The following ESRRB variants were observed in gnomAD, a reference collection of about 807,000 sequenced individuals.
The protein encoded by ESRRB is estrogen related receptor beta, also known as steroid hormone receptor ERR2.
In ESRRB, 16 loss-of-function variants were observed where a neutral mutation model predicts 46.0. That is an observed-to-expected ratio of 0.35 (90% CI 0.24 to 0.53). ESRRB has a LOEUF of 0.53. Among genes scored for constraint, ESRRB ranks in the 20% least tolerant of loss-of-function variants. ESRRB has a pLI of 0.93. For missense variants in ESRRB, 488 were observed against 607.4 expected (o/e 0.80, Z 2.07); for synonymous variants, 246 against 259.6 (o/e 0.95, Z 0.50).
At chr14:76,387,306 C>A (rs1885272326) in intron 1 of ESRRB, among the ~76,000 whole-genome samples, 1 of 152,214 alleles carries the variant, frequency 6.6e-6, no homozygotes, top group South Asian at 2.1e-4. Context: ...AAGCCTGATG[C>A]CCTCACAGCC....
chr14:76,317,829 T>G (rs1883820401), intron 1 of ESRRB, among the ~76,000 whole-genome samples: 1 of 152,202 alleles, frequency 6.6e-6, no homozygotes, highest in African/African-American at 2.4e-5. Context: ...TCTCCAGCTC[T>G]ATAAGTTTAC....
chr14:76,322,418 C>T (rs1009653323), intron 1 of ESRRB, among the ~76,000 whole-genome samples: 5 of 152,190 alleles, frequency 3.3e-5, no homozygotes, highest in East Asian at 1.9e-4. Context: ...GAGCTCTTTC[C>T]GAAAGCACGT....
intron 1 of ESRRB, among the ~76,000 whole-genome samples, chr14:76,311,325 C>T (rs1020943729): frequency 4.6e-5 from 7 of 152,158 alleles, no homozygotes; most frequent in South Asian, 2.1e-4. Context: ...CTGGCAGCTC[C>T]GGTGTAGGGC....
intron 1 of ESRRB, among the ~76,000 whole-genome samples, chr14:76,421,541 CT>C (rs1886954563): frequency 6.6e-6 from 1 of 152,230 alleles, no homozygotes; most frequent in Non-Finnish European, 1.5e-5. Flanking sequence ...GCTTGCACAT[CT>C]GTTTACTCCA....
At chr14:76,378,300 T>A (rs975904364) in intron 1 of ESRRB, among the ~76,000 whole-genome samples, 3 of 152,126 alleles carry the variant, frequency 2.0e-5, no homozygotes, top group Non-Finnish European at 4.4e-5. Flanking sequence ...GATGGAGGCT[T>A]TAACAGCTGG....
At chr14:76,477,437 A>AT (rs1302422333) in intron 3 of ESRRB, among the ~76,000 whole-genome samples, 1 of 152,196 alleles carries the variant, frequency 6.6e-6, no homozygotes, top group East Asian at 1.9e-4. Flanking sequence ...CTTACCAAGC[A>AT]TTTTCTCATC....
chr14:76,490,440 G>A (rs1298144611), intron 5 of ESRRB, among the ~76,000 whole-genome samples: 2 of 152,150 alleles, frequency 1.3e-5, no homozygotes, highest in East Asian at 3.8e-4. Flanking sequence ...AGTAATAATA[G>A]CTCAGTAAAT....
At chr14:76,426,635 A>G (rs1887212827) in intron 1 of ESRRB, among the ~76,000 whole-genome samples, 1 of 152,286 alleles carries the variant, frequency 6.6e-6, no homozygotes, top group East Asian at 1.9e-4. Context: ...GAGTCAATGA[A>G]CTATGGTATT....
chr14:76,339,734 C>T (rs891675554), intron 1 of ESRRB, among the ~76,000 whole-genome samples: 2 of 152,218 alleles, frequency 1.3e-5, no homozygotes, highest in African/African-American at 4.8e-5. Context: ...GCCCCCCACA[C>T]TCACAAGCCC....
At chr14:76,310,961 G>A in intron 1 of ESRRB, 1 of 440,774 alleles carries the variant, frequency 2.3e-6, no homozygotes, top group Non-Finnish European at 4.5e-6. Flanking sequence ...GACTCTGCGG[G>A]TCCTTTTCTG....
intron 6 of ESRRB, among the ~76,000 whole-genome samples, chr14:76,494,969 C>G (rs1438992829): frequency 6.6e-6 from 1 of 152,180 alleles, no homozygotes; most frequent in East Asian, 1.9e-4. Flanking sequence ...AGTACCGGAC[C>G]ACACCACACC....
At chr14:76,456,070 A>T in intron 2 of ESRRB, among the ~76,000 whole-genome samples, 1 of 145,226 alleles carries the variant, frequency 6.9e-6, no homozygotes, top group East Asian at 2.0e-4. Flanking sequence ...ACACACACAC[A>T]CACACACAAA....
At chr14:76,401,461 C>T (rs1293186707) in intron 1 of ESRRB, among the ~76,000 whole-genome samples, 1 of 152,204 alleles carries the variant, frequency 6.6e-6, no homozygotes, top group Non-Finnish European at 1.5e-5. Context: ...TCAGGGGAAA[C>T]AGCTTCCTGG....
At chr14:76,368,242 G>A (rs1453295107), upstream of ESRRB, among the ~76,000 whole-genome samples, 4 of 151,432 alleles carry the variant, frequency 2.6e-5, no homozygotes, top group Admixed American at 2.6e-4. Flanking sequence ...CAAAGTGCTG[G>A]GATTACAGGC....
chr14:76,489,672 T>C (rs1890149225), intron 5 of ESRRB, among the ~76,000 whole-genome samples: 2 of 152,136 alleles, frequency 1.3e-5, no homozygotes, highest in South Asian at 4.1e-4. Context: ...GCTCACAGGG[T>C]AAGGGTGGTC....
Position 76,498,510 on chromosome 14 carries a change from C to T in ESRRB, c.*52C>T, listed in dbSNP as rs1042176750. ...CCTACAGACAGACAAACGGACAGAC[C>T]GAGGTGGAGACCTCCACAGCCACCA... On this transcript the variant is annotated 3_prime_UTR_variant, in exon 7 of 7. Coordinates refer to ENST00000644823, the MANE Select transcript of ESRRB (RefSeq NM_001379180.1). The T allele has an allele frequency of 9.6e-5, 154 of 1,612,140 alleles. 2 individuals are homozygous for T. The highest frequency in any genetic ancestry group is 5.5e-5 in the South Asian group (5 of 90,558).
At chr14:76,442,168 T>C (rs1421660299) in intron 2 of ESRRB, among the ~76,000 whole-genome samples, 1 of 152,216 alleles carries the variant, frequency 6.6e-6, no homozygotes, top group Non-Finnish European at 1.5e-5. Context: ...TGTGCTTCAG[T>C]TACTTCATCT....
chr14:76,363,859 T>A (rs1041125568), intron 1 of ESRRB, among the ~76,000 whole-genome samples: 2 of 152,210 alleles, frequency 1.3e-5, no homozygotes, highest in Non-Finnish European at 2.9e-5. Context: ...AGGACAGGTT[T>A]GGGGTGAGCT....
At chr14:76,433,322 T>C (rs1421493206) in intron 1 of ESRRB, among the ~76,000 whole-genome samples, 1 of 152,150 alleles carries the variant, frequency 6.6e-6, no homozygotes, top group Admixed American at 6.5e-5. Context: ...TAACATCGGG[T>C]AGCCATATGA....
Sources: gnomAD v4.1 joint callset for allele counts (sites outside exome capture counted in the v4.1 genomes callset) on GRCh38, gnomAD v4.1.1 for gene constraint, MANE v1.5 for transcripts, NCBI Gene and HGNC (gene_info 2026-07-23, HGNC 2026-07-21) for gene names.